Variants in CACNA2D3 observed in about 807,000 individuals in gnomAD.
CACNA2D3 encodes calcium voltage-gated channel auxiliary subunit alpha2delta 3.
In CACNA2D3, 60 loss-of-function variants were observed where a neutral mutation model predicts 160.6. The ratio of observed to expected loss-of-function variants is 0.37; its 90% confidence interval spans 0.30 to 0.46. The LOEUF (loss-of-function observed/expected upper bound fraction) is 0.46, where lower values mean the gene tolerates loss of function less well. Among genes scored for constraint, CACNA2D3 ranks in the 20% least tolerant of loss-of-function variants. CACNA2D3 has a pLI of 1.00. For synonymous variants in CACNA2D3, 558 were observed against 492.9 expected (o/e 1.13, Z -1.75); for missense variants, 1,205 against 1,365.0 (o/e 0.88, Z 1.85).
chr3:54,893,293 T>G (rs915318932), intron 25 of CACNA2D3, among the ~76,000 whole-genome samples: 2 of 152,104 alleles, frequency 1.3e-5, no homozygotes, highest in Admixed American at 6.6e-5. Flanking sequence ...CTCTTTTTTT[T>G]TTTATGGATG....
intron 13 of CACNA2D3, among the ~76,000 whole-genome samples, chr3:54,776,225 G>T (rs1458189854): frequency 6.6e-6 from 1 of 152,206 alleles, no homozygotes; most frequent in Non-Finnish European, 1.5e-5. Flanking sequence ...TTTCTAAGAG[G>T]TCGGGAGGCT....
intron 13 of CACNA2D3, among the ~76,000 whole-genome samples, chr3:54,782,239 A>G (rs1167942799): frequency 6.6e-6 from 1 of 152,230 alleles, no homozygotes; most frequent in Non-Finnish European, 1.5e-5. Context: ...TCACATTTGT[A>G]TCAAAACATC....
At chr3:54,969,877 T>G (rs767350117) in intron 29 of CACNA2D3, 33 bp downstream of exon 29, 2 of 1,590,036 alleles carry the variant, frequency 1.3e-6, no homozygotes, top group Non-Finnish European at 1.7e-6. Context: ...TTTCTACCCC[T>G]GTGGATAGAA....
intron 11 of CACNA2D3, among the ~76,000 whole-genome samples, chr3:54,687,404 C>A (rs1249589801): frequency 1.3e-5 from 2 of 151,158 alleles, no homozygotes; most frequent in Admixed American, 1.3e-4. Context: ...CCTGCCTTGG[C>A]CTCCCAATGT....
intron 11 of CACNA2D3, among the ~76,000 whole-genome samples, chr3:54,717,734 G>C (rs954258547): frequency 1.5e-5 from 2 of 133,004 alleles, no homozygotes; most frequent in Non-Finnish European, 3.3e-5. Context: ...CGGTGTGTGT[G>C]TGCATGTGTG....
At chr3:54,971,063 G>A (rs775476954) in intron 29 of CACNA2D3, among the ~76,000 whole-genome samples, 2 of 151,756 alleles carry the variant, frequency 1.3e-5, no homozygotes, top group Non-Finnish European at 2.9e-5. Context: ...GGTCCCAGAG[G>A]ATCTGGCTGC....
intron 11 of CACNA2D3, among the ~76,000 whole-genome samples, chr3:54,647,963 T>G (rs770956297): frequency 6.6e-6 from 1 of 152,204 alleles, no homozygotes; most frequent in Non-Finnish European, 1.5e-5. Context: ...AACTCCAATA[T>G]GAGAGGAACT....
chr3:54,282,714 A>G (rs1702908578), intron 2 of CACNA2D3, among the ~76,000 whole-genome samples: 1 of 152,236 alleles, frequency 6.6e-6, no homozygotes, highest in Non-Finnish European at 1.5e-5. Flanking sequence ...ATTAAAGCAG[A>G]TACATATATA....
At chr3:54,235,174 A>C (rs1701850169) in intron 2 of CACNA2D3, among the ~76,000 whole-genome samples, 1 of 152,238 alleles carries the variant, frequency 6.6e-6, no homozygotes, top group Admixed American at 6.5e-5. Flanking sequence ...TGTGCTCAGC[A>C]AACCAAGCAA....
chr3:54,973,951 C>T (rs1329175619), intron 29 of CACNA2D3, among the ~76,000 whole-genome samples: 1 of 152,134 alleles, frequency 6.6e-6, no homozygotes, highest in Non-Finnish European at 1.5e-5. Flanking sequence ...GCCCCACCCT[C>T]AGATGCAAGA....
In CACNA2D3 at chr3:54,885,320, A is replaced by G. The variant is rs1179221686; in HGVS notation, c.1952A>G (p.Asp651Gly). 1 of 1,613,924 alleles carries G rather than the reference A, an allele frequency of 6.2e-7. No individual in the cohort carries two copies. The highest frequency in any genetic ancestry group is 8.5e-7 in the Non-Finnish European group (1 of 1,179,820). The stretch of plus-strand genomic sequence containing the variant: ...GAACATCCCGATGTGTCCTTGGCAG[A>G]TGAATGGTAAGAATTAAACCATCCC... ...DLEHPDVSLA[D>G]EWSYCNTDLH... The change falls in exon 22 of 38, where the codon GAT becomes GGT. Residue 651 changes from aspartate to glycine, a missense_variant. This residue lies in a region of CACNA2D3 where 911 missense variants were observed against 1,002.2 expected (regional missense o/e 0.91). Coordinates refer to ENST00000474759, the MANE Select transcript of CACNA2D3 (RefSeq NM_018398.3).
rs2703033 is a variant in CACNA2D3 at position 54,854,506 on chromosome 3, C to A, written c.1626+8039C>A. ...TGGACACTCAAGGGATTGATGGGGT[C>A]TGGAATCAATCCCACAGGTATTTTT... On this transcript the variant is annotated intron_variant, in intron 17 of 37. Coordinates refer to ENST00000474759, the MANE Select transcript of CACNA2D3 (RefSeq NM_018398.3). Among the ~76,000 whole-genome samples, 1,274 of 152,226 alleles carry A rather than the reference C, an allele frequency of 8.4e-3. 13 individuals are homozygous for A. The highest frequency in any genetic ancestry group is 0.027 in the African/African-American group (1,111 of 41,538).
intron 9 of CACNA2D3, among the ~76,000 whole-genome samples, chr3:54,593,290 A>C (rs1702895116): frequency 6.6e-6 from 1 of 152,216 alleles, no homozygotes; most frequent in Admixed American, 6.5e-5. Flanking sequence ...TTACCACAAA[A>C]GAGTGATAAT....
At chr3:54,793,456 C>G (rs1263144329) in intron 13 of CACNA2D3, among the ~76,000 whole-genome samples, 1 of 152,210 alleles carries the variant, frequency 6.6e-6, no homozygotes, top group Non-Finnish European at 1.5e-5. Context: ...GGGGATATAT[C>G]TGTGCGAGAG....
chr3:54,146,570 T>C (rs1056658280), intron 2 of CACNA2D3, among the ~76,000 whole-genome samples: 1 of 152,116 alleles, frequency 6.6e-6, no homozygotes, highest in Non-Finnish European at 1.5e-5. Context: ...TACCATTCCA[T>C]GGGCTGACAC....
chr3:54,519,598 C>T (rs1701613477), intron 5 of CACNA2D3, among the ~76,000 whole-genome samples: 1 of 152,186 alleles, frequency 6.6e-6, no homozygotes, highest in Admixed American at 6.5e-5. Flanking sequence ...ATATCTTTTC[C>T]TATTCTAAGC....
At chr3:54,199,666 G>T (rs1019045821) in intron 2 of CACNA2D3, among the ~76,000 whole-genome samples, 2 of 152,050 alleles carry the variant, frequency 1.3e-5, no homozygotes, top group African/African-American at 4.8e-5. Flanking sequence ...CTCTTCAGAG[G>T]CCCTTAATGG....
chr3:54,493,090 T>G (rs1016331516), intron 4 of CACNA2D3, among the ~76,000 whole-genome samples: 2 of 36,896 alleles, frequency 5.4e-5, no homozygotes, highest in African/African-American at 8.3e-5. Context: ...TTTTTTTTTT[T>G]TTTTGGAGAC....
At chr3:54,292,101 C>G (rs1217903118) in intron 2 of CACNA2D3, among the ~76,000 whole-genome samples, 2 of 152,010 alleles carry the variant, frequency 1.3e-5, no homozygotes, top group African/African-American at 4.8e-5. Flanking sequence ...GGTGTGGGGA[C>G]AACTGCATAG....
Sources: gnomAD v4.1 joint callset for allele counts (sites outside exome capture counted in the v4.1 genomes callset) on GRCh38, gnomAD v4.1.1 for gene constraint, gnomAD v4.1.1 regional missense constraint, MANE v1.5 for transcripts, NCBI Gene and HGNC (gene_info 2026-07-23, HGNC 2026-07-21) for gene names.